Variants in CSMD1 observed in about 807,000 individuals in gnomAD.
The protein encoded by CSMD1 is CUB and sushi domain-containing protein 1.
Under a neutral mutation model 417.5 loss-of-function variants are expected in CSMD1, and 213 were observed. The ratio of observed to expected loss-of-function variants is 0.51; its 90% CI spans 0.46 to 0.57. The LOEUF (loss-of-function observed/expected upper bound fraction) is 0.57. CSMD1 is among the 20% of genes least tolerant of loss of function. The pLI is 0.00. For synonymous variants in CSMD1, 2,862 were observed against 1,736.8 expected, an observed-to-expected ratio of 1.65 and a Z score of -16.11; for missense variants, 6,923 against 4,529.7, an observed-to-expected ratio of 1.53 and a Z score of -15.17.
At chr8:4,167,100 C>T (rs969009518) in intron 3 of CSMD1, among the ~76,000 whole-genome samples, 1 of 152,084 alleles carries the variant, frequency 6.6e-6, no homozygotes. Flanking sequence ...AAATGTAAAA[C>T]CCTCAACTTC....
chr8:4,868,095 G>A (rs1468424876), intron 1 of CSMD1, among the ~76,000 whole-genome samples: 1 of 151,972 alleles, frequency 6.6e-6, no homozygotes, highest in African/African-American at 2.4e-5. Flanking sequence ...AATTTAAAAC[G>A]ACCTCTCACC....
intron 5 of CSMD1, among the ~76,000 whole-genome samples, chr8:3,771,346 T>A (rs939471774): frequency 5.3e-5 from 8 of 152,148 alleles, no homozygotes; most frequent in Non-Finnish European, 1.0e-4. Context: ...GAAGAACGCT[T>A]AGAAATTCAG....
chr8:3,689,918 T>G (rs1470259794), intron 7 of CSMD1, among the ~76,000 whole-genome samples: 2 of 152,192 alleles, frequency 1.3e-5, no homozygotes, highest in African/African-American at 2.4e-5. Flanking sequence ...AAGCTGCAAA[T>G]AATCACGTTC....
intron 12 of CSMD1, among the ~76,000 whole-genome samples, chr8:3,412,932 G>A (rs773413913): frequency 6.6e-6 from 1 of 152,162 alleles, no homozygotes; most frequent in African/African-American, 2.4e-5. Flanking sequence ...TGGGAAGCTG[G>A]GCTGGGCGCC....
At chr8:4,583,490 A>C (rs1799547203) in intron 2 of CSMD1, among the ~76,000 whole-genome samples, 1 of 151,688 alleles carries the variant, frequency 6.6e-6, no homozygotes, top group South Asian at 2.1e-4. Context: ...CTTTATGTCT[A>C]GCTCAGGGAT....
intron 1 of CSMD1, among the ~76,000 whole-genome samples, chr8:4,799,531 G>A (rs911361231): frequency 2.1e-5 from 3 of 144,000 alleles, no homozygotes; most frequent in Non-Finnish European, 3.0e-5. Context: ...CCCAGGAGGC[G>A]GAGGTTGCAG....
At chr8:4,152,459 G>C (rs1585431606) in intron 3 of CSMD1, among the ~76,000 whole-genome samples, 1 of 151,502 alleles carries the variant, frequency 6.6e-6, no homozygotes, top group Admixed American at 6.6e-5. Context: ...TGGCTTGCTT[G>C]AGCCCAGCAG....
At chr8:3,614,896 C>A (rs1311515981) in intron 8 of CSMD1, among the ~76,000 whole-genome samples, 1 of 151,778 alleles carries the variant, frequency 6.6e-6, no homozygotes, top group Non-Finnish European at 1.5e-5. Flanking sequence ...GACAAAGGGG[C>A]ACAGAAGGAA....
At chr8:4,232,578 A>G (rs1264952763) in intron 3 of CSMD1, among the ~76,000 whole-genome samples, 1 of 152,208 alleles carries the variant, frequency 6.6e-6, no homozygotes, top group Non-Finnish European at 1.5e-5. Context: ...AGAAATGTGA[A>G]TGACTCTTGT....
At chr8:4,611,070 G>C (rs1032825566) in intron 2 of CSMD1, among the ~76,000 whole-genome samples, 5 of 151,854 alleles carry the variant, frequency 3.3e-5, no homozygotes, top group Non-Finnish European at 7.4e-5. Context: ...CTTAAGAAAA[G>C]TGAAAGAAGA....
At chr8:4,512,536 A>T (rs750989806) in intron 2 of CSMD1, among the ~76,000 whole-genome samples, 1 of 152,166 alleles carries the variant, frequency 6.6e-6, no homozygotes, top group Non-Finnish European at 1.5e-5. Context: ...CATCCTAAAT[A>T]ATTGAGAAAA....
At chr8:4,894,935 G>C (rs947870948) in intron 1 of CSMD1, among the ~76,000 whole-genome samples, 3 of 152,164 alleles carry the variant, frequency 2.0e-5, no homozygotes, top group South Asian at 2.1e-4. Flanking sequence ...TGAAACATAA[G>C]GCCAGGAATC....
At chr8:3,982,670 C>G (rs1164601659) in intron 5 of CSMD1, among the ~76,000 whole-genome samples, 4 of 151,358 alleles carry the variant, frequency 2.6e-5, no homozygotes, top group Admixed American at 2.6e-4. Flanking sequence ...AGATCTGAGA[C>G]CAGGGTGGCG....
chr8:4,425,188 G>A lies in CSMD1; in HGVS notation c.303-5123C>T, dbSNP rs113422486. 6.4e-3 allele frequency among the ~76,000 whole-genome samples: 966 copies of A among 152,026 alleles called. 8 individuals are homozygous for A. Among genetic ancestry groups the A allele is most frequent in the African/African-American group, 0.022 (921 of 41,490 alleles). On this transcript the variant is annotated intron_variant, in intron 2 of 69. Coordinates refer to ENST00000635120, the MANE Select transcript of CSMD1 (RefSeq NM_033225.6). ...AAGTTTTATAAAAAATTGTGATTAC[G>A]AAGGGGTGTGGTCAAATGATATTAG...
chr8:3,244,528 C>T (rs1028214083), intron 26 of CSMD1, among the ~76,000 whole-genome samples: 1 of 152,184 alleles, frequency 6.6e-6, no homozygotes, highest in Non-Finnish European at 1.5e-5. Context: ...TTACACTGTA[C>T]ATACATCTGG....
intron 3 of CSMD1, among the ~76,000 whole-genome samples, chr8:4,269,241 G>T (rs1804418113): frequency 6.6e-6 from 1 of 152,114 alleles, no homozygotes; most frequent in African/African-American, 2.4e-5. Context: ...ATATTTAGCA[G>T]AGATGAGGTT....
At chr8:4,161,564 T>G (rs1264338662) in intron 3 of CSMD1, among the ~76,000 whole-genome samples, 2 of 152,226 alleles carry the variant, frequency 1.3e-5, no homozygotes, top group African/African-American at 4.8e-5. Flanking sequence ...GACATTGTTT[T>G]GGACAGAGTT....
At chr8:3,343,797 T>C (rs1807813243) in intron 22 of CSMD1, among the ~76,000 whole-genome samples, 1 of 152,172 alleles carries the variant, frequency 6.6e-6, no homozygotes, top group Non-Finnish European at 1.5e-5. Context: ...AGTTCAGTTA[T>C]AAAAGTAAAA....
chr8:4,968,351 C>A (rs1810014474), intron 1 of CSMD1, among the ~76,000 whole-genome samples: 1 of 152,096 alleles, frequency 6.6e-6, no homozygotes, highest in East Asian at 1.9e-4. Context: ...TCACCACTAT[C>A]CACGTCCAAA....
Sources: gnomAD v4.1 joint callset for allele counts (sites outside exome capture counted in the v4.1 genomes callset) on GRCh38, gnomAD v4.1.1 for gene constraint, MANE v1.5 for transcripts, NCBI Gene and HGNC (gene_info 2026-07-23, HGNC 2026-07-21) for gene names.